Variants in KICS2 observed in about 807,000 individuals in gnomAD.
KICS2 encodes KICSTOR complex protein C12orf66.
KICS2 carries 13 observed loss-of-function variants against 31.4 expected under a neutral mutation model. That is an observed-to-expected ratio of 0.41 (90% CI 0.27 to 0.66). KICS2 has a LOEUF of 0.66. Ranked by LOEUF, KICS2 falls within the 30% of genes least tolerant of loss-of-function variation. The pLI, the probability that KICS2 is intolerant of heterozygous loss-of-function variation, is 0.28. For missense variants in KICS2, 455 were observed against 545.4 expected (o/e 0.83, Z 1.65); for synonymous variants, 209 against 214.8 (o/e 0.97, Z 0.24).
chr12:64,201,619 G>GAA lies in KICS2; in HGVS notation c.522-6963_522-6962dup, dbSNP rs142477212. 1.9e-3 allele frequency among the ~76,000 whole-genome samples: 219 copies of GAA among 117,582 alleles called. 1 individual carries two copies. Among genetic ancestry groups the GAA allele is most frequent in the South Asian group, 2.9e-3 (10 of 3,496 alleles). The allele number at this position is 117,582 out of a possible 152,430, so 77.1% of individuals were successfully genotyped here. A position where few individuals can be genotyped will look rare whatever the true frequency, so the allele number is the denominator to read the frequency against. ...TTAAAGTATAATAAAAAAAAAAAAA[G>GAA]AAAAAAAAAAAAAACAAAATGGTGG... On this transcript the variant is annotated intron_variant, in intron 2 of 2. Transcript: ENST00000398055.
chr12:64,216,035 T>G, intron 1 of KICS2, 72 bp from the exon 2 acceptor site: 4 of 1,405,002 alleles, frequency 2.8e-6, no homozygotes, highest in Non-Finnish European at 3.8e-6. Flanking sequence ...CCTACCAACA[T>G]GCAAAAGCAA....
At chr12:64,189,636 TATAA>T (rs1323976512), downstream of KICS2, among the ~76,000 whole-genome samples, 1 of 151,872 alleles carries the variant, frequency 6.6e-6, no homozygotes, top group African/African-American at 2.4e-5. Context: ...AATACAAAGA[TATAA>T]ATAAGTAAGT....
chr12:64,203,870 G>T (rs147921754), intron 2 of KICS2, among the ~76,000 whole-genome samples: 127 of 152,274 alleles, frequency 8.3e-4, no homozygotes, highest in Middle Eastern at 3.4e-3. Context: ...CCTTCCAGCT[G>T]AGGAAGCTAA....
chr12:64,211,003 C>A (rs1023222509), intron 2 of KICS2, among the ~76,000 whole-genome samples: 2 of 152,066 alleles, frequency 1.3e-5, no homozygotes, highest in African/African-American at 2.4e-5. Flanking sequence ...TTTCTGGGCA[C>A]ACTAAATTTT....
At chr12:64,186,513 C>A (rs1187824959), downstream of KICS2, 1 of 152,020 alleles carries the variant, frequency 6.6e-6, no homozygotes, top group East Asian at 1.9e-4. Flanking sequence ...TCTATTGTAC[C>A]AACATTTCAC....
In KICS2 at chr12:64,191,217, A is replaced by C. The variant is rs925869369; in HGVS notation, c.*2625T>G. On this transcript the variant is annotated 3_prime_UTR_variant, in exon 3 of 3. Transcript: ENST00000398055. ...TATGTGGAGTTTTTATAATTAGAAAACTTTATTGAAGAGCTTCAGAAATAA... is the reference window on the plus strand; with the variant it reads ...TATGTGGAGTTTTTATAATTAGAAACCTTTATTGAAGAGCTTCAGAAATAA... 1.3e-5 allele frequency: 2 copies of C among 152,010 alleles called. No homozygotes were observed. The highest frequency in any genetic ancestry group is 2.4e-5 in the African/African-American group (1 of 41,294). The allele number at this position is 152,010 out of a possible 1,614,324, so 9.4% of individuals were successfully genotyped here.
At chr12:64,195,873 G>T (rs527729366) in intron 2 of KICS2, among the ~76,000 whole-genome samples, 1 of 152,342 alleles carries the variant, frequency 6.6e-6, no homozygotes, top group Admixed American at 6.5e-5. Flanking sequence ...ACTCCCACCC[G>T]AATACTGCGC....
chr12:64,221,822 CG>C, intron 1 of KICS2, 180 bp downstream of exon 1: 1 of 703,000 alleles, frequency 1.4e-6, no homozygotes, highest in South Asian at 1.9e-5. Flanking sequence ...CAGCGCAGGC[CG>C]GTGGGCGGGG....
In KICS2 at chr12:64,193,545, AG is replaced by A; in HGVS notation, c.*296del. On this transcript the variant is annotated 3_prime_UTR_variant, in exon 3 of 3. Transcript: ENST00000398055. ...CAGAAAAACATATGGGAAAAAAAAA[AG>A]CCCAATAAATATTCAATCTACAAGA... 8.9e-7 allele frequency: 1 copy of A among 1,118,432 alleles called. No homozygotes were observed. Among genetic ancestry groups the A allele is most frequent in the East Asian group, 5.4e-5 (1 of 18,612 alleles). 69.3% of individuals were successfully genotyped at this position (1,118,432 alleles called of 1,614,324 possible).
chr12:64,187,044 G>A (rs936409576), downstream of KICS2: 2 of 152,378 alleles, frequency 1.3e-5, no homozygotes, highest in Non-Finnish European at 2.9e-5. Context: ...TGGATCAACC[G>A]GCTGAGTCAT....
Position 64,222,102 on chromosome 12 carries a change from T to G in KICS2, c.136A>C (p.Ser46Arg). The G allele has an allele frequency of 1.9e-6, 3 of 1,613,964 alleles. No homozygotes were observed. Among genetic ancestry groups the G allele is most frequent in the Non-Finnish European group, 2.5e-6 (3 of 1,179,936 alleles). The change falls in exon 1 of 3, where the codon AGC (serine) becomes CGC (arginine). Residue 46 changes from serine (S) to arginine (R), a missense_variant. Transcript: ENST00000398055. ...AGCGACAGCCAGCTGCCCCCCGCGC[T>G]CTTGTTGGCCTCTCGTTCCTTCTCC... ...NVEKEREANK[S>R]AGGSWLSLLA...
intron 2 of KICS2, among the ~76,000 whole-genome samples, chr12:64,204,226 G>C (rs1485548174): frequency 6.6e-6 from 1 of 152,156 alleles, no homozygotes; most frequent in African/African-American, 2.4e-5. Flanking sequence ...GAGGTGCCAG[G>C]GAGAGCATTA....
chr12:64,195,647 C>T (rs567952780), intron 2 of KICS2, among the ~76,000 whole-genome samples: 3 of 152,244 alleles, frequency 2.0e-5, no homozygotes, highest in East Asian at 3.9e-4. Flanking sequence ...CCAGCATGAG[C>T]AACGCAGAAG....
At chr12:64,195,840 G>A (rs1037551476) in intron 2 of KICS2, among the ~76,000 whole-genome samples, 10 of 152,232 alleles carry the variant, frequency 6.6e-5, no homozygotes, top group African/African-American at 9.6e-5. Flanking sequence ...AAGGGGTGAC[G>A]GACGCACCTG....
downstream of KICS2, among the ~76,000 whole-genome samples, chr12:64,188,354 T>A (rs2037354855): frequency 6.6e-6 from 1 of 151,994 alleles, no homozygotes. Context: ...TGAAACCCCG[T>A]CTCCACTAAA....
At chr12:64,221,941 G>A in intron 1 of KICS2, 62 bp downstream of exon 1, 2 of 1,515,384 alleles carry the variant, frequency 1.3e-6, no homozygotes, top group Non-Finnish European at 1.8e-6. Flanking sequence ...AGCCACTGCC[G>A]ACTGGGGAAT....
intron 2 of KICS2, among the ~76,000 whole-genome samples, chr12:64,205,844 G>A (rs1370639195): frequency 7.3e-6 from 1 of 137,836 alleles, no homozygotes; most frequent in Non-Finnish European, 1.6e-5. Flanking sequence ...GAATAGATTT[G>A]TGTAATATTC....
chr12:64,199,651 G>T (rs1425046986), intron 2 of KICS2, among the ~76,000 whole-genome samples: 1 of 148,640 alleles, frequency 6.7e-6, no homozygotes, highest in Non-Finnish European at 1.5e-5. Flanking sequence ...TAGGAAAAGA[G>T]GAAGTCAAAT....
chr12:64,205,748 G>A (rs1278591606), intron 2 of KICS2, among the ~76,000 whole-genome samples: 1 of 75,084 alleles, frequency 1.3e-5, no homozygotes, highest in Non-Finnish European at 2.9e-5. Flanking sequence ...AAGGAAGGGA[G>A]GGAGGGAAAA....
Sources: allele counts gnomAD v4.1 joint callset (sites outside exome capture counted in the v4.1 genomes callset), GRCh38; gene constraint gnomAD v4.1.1; transcripts MANE v1.5; gene names NCBI Gene and HGNC (gene_info 2026-07-23, HGNC 2026-07-21).